The following SLF1 variants were observed in gnomAD, a reference collection of about 807,000 sequenced individuals.
SLF1 encodes SMC5-SMC6 complex localization factor protein 1.
SLF1 carries 105 observed loss-of-function variants against 123.0 expected under a neutral mutation model. The observed-to-expected ratio is 0.85, with a 90% confidence interval of 0.73 to 1.00. The LOEUF is 1.00. Ranked by LOEUF, SLF1 falls within the 50% of genes least tolerant of loss-of-function variation. The pLI, the probability that SLF1 is intolerant of heterozygous loss-of-function variation, is 0.00. For synonymous variants in SLF1, 434 were observed against 406.6 expected (o/e 1.07, Z -0.81); for missense variants, 1,239 against 1,223.0 (o/e 1.01, Z -0.20).
At chr5:94,682,335 C>A (rs1751892244) in intron 15 of SLF1, among the ~76,000 whole-genome samples, 1 of 151,852 alleles carries the variant, frequency 6.6e-6, no homozygotes, top group African/African-American at 2.4e-5. Flanking sequence ...CTTTTTTTCC[C>A]TCATTTCTTT....
intron 5 of SLF1, among the ~76,000 whole-genome samples, chr5:94,646,579 T>G (rs998227338): frequency 2.0e-5 from 3 of 152,166 alleles, no homozygotes; most frequent in African/African-American, 7.2e-5. Flanking sequence ...CTCAATTGTT[T>G]GGCCCAAGGA....
chr5:94,639,037 C>CTTTTTTTTTTTTTTTTT (rs764031689), intron 4 of SLF1, among the ~76,000 whole-genome samples: 5 of 88,970 alleles, frequency 5.6e-5, no homozygotes, highest in Admixed American at 1.4e-4. Context: ...CTTTTCTTCC[C>CTTTTTTTTTTTTTTTTT]TTTTTTTTTT....
intron 4 of SLF1, among the ~76,000 whole-genome samples, chr5:94,635,905 G>A (rs1008789272): frequency 6.6e-6 from 1 of 152,060 alleles, no homozygotes; most frequent in East Asian, 1.9e-4. Flanking sequence ...TTATACTTTT[G>A]TATGTTTTAT....
intron 17 of SLF1, 142 bp downstream of exon 17, chr5:94,688,811 C>A: frequency 2.2e-6 from 2 of 895,188 alleles, no homozygotes; most frequent in Non-Finnish European, 3.1e-6. Context: ...TCTATTTGAT[C>A]AACATTTTCT....
intron 9 of SLF1, among the ~76,000 whole-genome samples, chr5:94,656,604 A>G (rs1244738240): frequency 1.3e-5 from 2 of 151,924 alleles, no homozygotes; most frequent in Non-Finnish European, 2.9e-5. Context: ...TTCAGCAATA[A>G]AGTCTTTTGG....
chr5:94,684,208 G>T (rs1186285900), intron 15 of SLF1, among the ~76,000 whole-genome samples: 1 of 152,196 alleles, frequency 6.6e-6, no homozygotes, highest in Non-Finnish European at 1.5e-5. Context: ...TACGTTAAGA[G>T]ATCAATTGGT....
chr5:94,655,008 G>T (rs2152481126), intron 9 of SLF1, among the ~76,000 whole-genome samples: 1 of 152,210 alleles, frequency 6.6e-6, no homozygotes, highest in Middle Eastern at 3.4e-3. Flanking sequence ...TAAATTCTTT[G>T]CCTACATCAA....
intron 10 of SLF1, 102 bp from the exon 11 acceptor site, chr5:94,663,644 CAAAT>C (rs1420936604): frequency 6.0e-5 from 63 of 1,051,664 alleles, no homozygotes; most frequent in East Asian, 2.7e-4. Context: ...GACTCCGTCT[CAAAT>C]GAATGAATGA....
At chr5:94,687,350 C>A (rs1041603320) in intron 16 of SLF1, among the ~76,000 whole-genome samples, 2 of 152,130 alleles carry the variant, frequency 1.3e-5, no homozygotes, top group Non-Finnish European at 2.9e-5. Context: ...CCATCCTGGA[C>A]AACATAGTGA....
chr5:94,630,050 G>C (rs1198487835), intron 3 of SLF1, among the ~76,000 whole-genome samples: 2 of 152,120 alleles, frequency 1.3e-5, no homozygotes, highest in Non-Finnish European at 2.9e-5. Flanking sequence ...GTTTTACAGA[G>C]TAATAATGCC....
At chr5:94,637,430 A>C (rs1056225834) in intron 4 of SLF1, among the ~76,000 whole-genome samples, 1 of 152,180 alleles carries the variant, frequency 6.6e-6, no homozygotes, top group Non-Finnish European at 1.5e-5. Context: ...CAGGCTAGGC[A>C]CTGCAATTGT....
At chr5:94,629,405 T>C (rs923496612) in intron 3 of SLF1, among the ~76,000 whole-genome samples, 1 of 91,584 alleles carries the variant, frequency 1.1e-5, no homozygotes, top group Admixed American at 1.2e-4. Context: ...TAGTGTGTTT[T>C]GTTTAAGACA....
chr5:94,671,194 T>TCATGTTTG (rs1457764729), intron 14 of SLF1, among the ~76,000 whole-genome samples, 186 bp downstream of exon 14: 6 of 151,922 alleles, frequency 3.9e-5, no homozygotes, highest in African/African-American at 1.4e-4. Context: ...CTTCATCGTC[T>TCATGTTTG]CATGTTTGCA....
chr5:94,668,536 A>G (rs1205786950), intron 12 of SLF1, among the ~76,000 whole-genome samples: 2 of 151,912 alleles, frequency 1.3e-5, no homozygotes, highest in African/African-American at 2.4e-5. Context: ...GAGTTTTACC[A>G]TGTTGGTCAG....
intron 18 of SLF1, 71 bp downstream of exon 18, chr5:94,689,677 C>T: frequency 7.2e-7 from 1 of 1,387,760 alleles, no homozygotes; most frequent in Non-Finnish European, 9.9e-7. Flanking sequence ...GCAGGTTTCA[C>T]ACATTTGCCC....
At position 94,695,229 on chromosome 5, in the gene SLF1, T is replaced by A. The variant is rs767436644; in HGVS notation, c.3094T>A (p.Leu1032Met). The A allele has an allele frequency of 3.7e-6, 6 of 1,612,496 alleles. No homozygotes were observed. The East Asian group carries it at 8.9e-5, about 24-fold the overall frequency. Reference protein sequence around the residue: ...PHILKELPENLKVCPGVHTEA... With the variant: ...PHILKELPENMKVCPGVHTEA... ...CATTCTTAAGGAACTGCCTGAGAAT[T>A]TGAAAGTGTGTCCTGGGGTACACAC... The change falls in exon 21 of 21, where the codon TTG becomes ATG. Residue 1032 changes from leucine to methionine, a missense_variant. Transcript: ENST00000265140.
At chr5:94,651,457 G>A (rs774133201) in intron 6 of SLF1, among the ~76,000 whole-genome samples, 3 of 152,066 alleles carry the variant, frequency 2.0e-5, no homozygotes, top group Non-Finnish European at 2.9e-5. Flanking sequence ...CTCATTAATC[G>A]GAATTCAGCA....
intron 1 of SLF1, among the ~76,000 whole-genome samples, 176 bp from the exon 2 acceptor site, chr5:94,628,635 T>C (rs534929810): frequency 6.6e-6 from 1 of 152,354 alleles, no homozygotes; most frequent in South Asian, 2.1e-4. Flanking sequence ...CTTTTAAAAC[T>C]AGTTTCTATC....
chr5:94,658,193 G>T (rs1748654361), intron 9 of SLF1, among the ~76,000 whole-genome samples: 2 of 144,080 alleles, frequency 1.4e-5, no homozygotes, highest in African/African-American at 5.0e-5. Flanking sequence ...GTGACATTTG[G>T]CTCTTTTCTC....
Sources: allele counts gnomAD v4.1 joint callset (sites outside exome capture counted in the v4.1 genomes callset), GRCh38; gene constraint gnomAD v4.1.1; transcripts MANE v1.5; gene names NCBI Gene and HGNC (gene_info 2026-07-23, HGNC 2026-07-21).